Variants in ANXA10 observed in about 807,000 individuals in gnomAD.
The protein encoded by ANXA10 is annexin A10.
A neutral mutation model predicts 53.5 loss-of-function variants in ANXA10; 49 were observed. The ratio of observed to expected loss-of-function variants is 0.92; its 90% CI spans 0.73 to 1.16. The LOEUF is 1.16. Among genes scored for constraint, ANXA10 ranks in the 50% most tolerant of loss-of-function variants. The probability of loss-of-function intolerance (pLI) is 0.00; values close to 1 mark genes in which losing one functional copy is unlikely to be tolerated. For synonymous variants in ANXA10, 131 were observed against 128.9 expected (o/e 1.02, Z -0.11); for missense variants, 393 against 394.4 (o/e 1.00, Z 0.03).
chr4:168,136,569 G>A (rs1334162023), intron 2 of ANXA10, among the ~76,000 whole-genome samples: 5 of 152,054 alleles, frequency 3.3e-5, no homozygotes, highest in Admixed American at 6.5e-5. Context: ...AATATCCTTC[G>A]ACTCCATGTC....
In ANXA10 at chr4:168,139,505, G is replaced by T; in HGVS notation, c.120G>T (p.Leu40=). 6.2e-7 allele frequency: 1 copy of T among 1,612,604 alleles called. No individual in the cohort carries two copies. The highest frequency in any genetic ancestry group is 1.1e-5 in the South Asian group (1 of 90,998). ...TTCCAGACTGTGACAAAGACATGCT[G>T]ATCAACATTCTGACTCAGCGCTGCA... ...LQGFDCDKDM[L]INILTQRCNA... is the part of the protein sequence containing the mutation. Residue 40 remains leucine, a synonymous_variant, in exon 3 of 12, where the codon CTG becomes CTT. Transcript: ENST00000359299.
intron 3 of ANXA10, among the ~76,000 whole-genome samples, chr4:168,144,318 C>G (rs1004156234): frequency 6.6e-6 from 1 of 152,170 alleles, no homozygotes; most frequent in African/African-American, 2.4e-5. Context: ...TCCCAAGTAG[C>G]TGAGATTACA....
At chr4:168,109,425 A>C (rs1000120548) in intron 1 of ANXA10, among the ~76,000 whole-genome samples, 1 of 152,218 alleles carries the variant, frequency 6.6e-6, no homozygotes, top group African/African-American at 2.4e-5. Flanking sequence ...TTTTTAAATG[A>C]AGAAAATCGA....
Position 168,150,432 on chromosome 4 carries a change from G to A in ANXA10, c.195+10852G>A, listed in dbSNP as rs189118762. The stretch of plus-strand genomic sequence containing the variant: ...ATACTGTCAGCTGAAGAATAACAAG[G>A]TTCATAAATTTGGAAAAGAAAGCTT... On this transcript the variant is annotated intron_variant, in intron 3 of 11. Coordinates refer to ENST00000359299, the MANE Select transcript of ANXA10 (RefSeq NM_007193.5). 2.7e-3 allele frequency among the ~76,000 whole-genome samples: 416 copies of A among 152,272 alleles called. 4 individuals are homozygous for A. Among genetic ancestry groups the A allele is most frequent in the Non-Finnish European group, 2.5e-3 (173 of 68,026 alleles).
intron 1 of ANXA10, among the ~76,000 whole-genome samples, chr4:168,116,902 T>C (rs929483073): frequency 2.0e-5 from 3 of 152,114 alleles, no homozygotes; most frequent in Admixed American, 6.6e-5. Flanking sequence ...CACTAAGTGA[T>C]GAAACACTAT....
At chr4:168,172,398 CTT>C (rs1732008364) in intron 6 of ANXA10, among the ~76,000 whole-genome samples, 1 of 152,220 alleles carries the variant, frequency 6.6e-6, no homozygotes, top group Non-Finnish European at 1.5e-5. Context: ...CTCTCACAAA[CTT>C]TGCAAAGGCA....
At position 168,178,004 on chromosome 4, in the gene ANXA10, G is replaced by A. The variant is rs75463557; in HGVS notation, c.628+21G>A. The A allele has an allele frequency of 3.5e-5, 57 of 1,605,818 alleles. 1 individual carries two copies. The highest frequency in any genetic ancestry group is 2.0e-4 in the Middle Eastern group (1 of 4,946). On this transcript the variant is annotated intron_variant, in intron 8 of 11. Coordinates refer to ENST00000359299, the MANE Select transcript of ANXA10 (RefSeq NM_007193.5). ...GCTGGGTAATTATTAACTGGGTTTC[G>A]TTCCAGCTACTTGACCAATTATATA...
intron 1 of ANXA10, among the ~76,000 whole-genome samples, chr4:168,114,991 A>G (rs1730869353): frequency 6.6e-6 from 1 of 151,986 alleles, no homozygotes; most frequent in Admixed American, 6.6e-5. Context: ...GGGCTCAAAA[A>G]TCCTCCCATC....
intron 6 of ANXA10, among the ~76,000 whole-genome samples, chr4:168,175,357 A>G (rs73862577): frequency 0.011 from 1,703 of 152,340 alleles, 32 homozygotes; most frequent in African/African-American, 0.037. Context: ...GTTTCTTGGT[A>G]TTAATTAAAA....
intron 3 of ANXA10, among the ~76,000 whole-genome samples, chr4:168,152,673 G>T (rs542814045): frequency 3.6e-4 from 54 of 151,318 alleles, no homozygotes; most frequent in Non-Finnish European, 6.5e-4. Context: ...AGGGAAACTC[G>T]CTTGGAGGCT....
chr4:168,098,651 G>C (rs1730590980), intron 1 of ANXA10, among the ~76,000 whole-genome samples: 1 of 152,030 alleles, frequency 6.6e-6, no homozygotes, highest in Admixed American at 6.6e-5. Context: ...TGTTATCAAA[G>C]GCAGAGTAAA....
At chr4:168,106,363 T>A (rs191794316) in intron 1 of ANXA10, among the ~76,000 whole-genome samples, 4 of 152,224 alleles carry the variant, frequency 2.6e-5, no homozygotes, top group Admixed American at 2.6e-4. Flanking sequence ...TCTTAAAGTT[T>A]TAATTTTACA....
At chr4:168,143,512 G>A (rs1016934487) in intron 3 of ANXA10, among the ~76,000 whole-genome samples, 2 of 152,026 alleles carry the variant, frequency 1.3e-5, no homozygotes, top group African/African-American at 4.8e-5. Context: ...TTGGAATTCC[G>A]CTGATTGACA....
At chr4:168,121,832 TTTTG>T (rs1227965464) in intron 1 of ANXA10, among the ~76,000 whole-genome samples, 1 of 151,976 alleles carries the variant, frequency 6.6e-6, no homozygotes, top group Non-Finnish European at 1.5e-5. Flanking sequence ...TGTTGTTTGG[TTTTG>T]TTTTTTGTTT....
At position 168,181,748 on chromosome 4, in the gene ANXA10, A is replaced by C. The variant is rs1024363429; in HGVS notation, c.783+7A>C. ...ATTATATAGTGCAATTCATGTAAGT[A>C]AGACATATATTTTTAAAATTTCTCC... On this transcript the variant is annotated splice_region_variant and intron_variant, in intron 10 of 11. Coordinates refer to ENST00000359299, the MANE Select transcript of ANXA10 (RefSeq NM_007193.5). The C allele has an allele frequency of 1.9e-6, 3 of 1,554,590 alleles. No homozygotes were observed. Among genetic ancestry groups the C allele is most frequent in the Non-Finnish European group, 2.6e-6 (3 of 1,133,258 alleles).
At position 168,139,473 on chromosome 4, in the gene ANXA10, T is replaced by C. The variant is rs1480283209; in HGVS notation, c.101-13T>C. On this transcript the variant is annotated splice_polypyrimidine_tract_variant and intron_variant, in intron 2 of 11. Coordinates refer to ENST00000359299, the MANE Select transcript of ANXA10 (RefSeq NM_007193.5). ...AGCAACTTTACTAATCTTCAAATAT[T>C]ATTCTTTTCCAGACTGTGACAAAGA... The C allele has an allele frequency of 6.2e-7, 1 of 1,607,636 alleles. No individual in the cohort carries two copies. Among genetic ancestry groups the C allele is most frequent in the East Asian group, 2.2e-5 (1 of 44,704 alleles).
intron 1 of ANXA10, among the ~76,000 whole-genome samples, chr4:168,120,857 CATTA>C (rs750869526): frequency 2.6e-5 from 4 of 151,988 alleles, no homozygotes; most frequent in Non-Finnish European, 5.9e-5. Flanking sequence ...AACATCACTT[CATTA>C]ATTTTTTTTC....
At chr4:168,096,919 T>G (rs1221700314) in intron 1 of ANXA10, among the ~76,000 whole-genome samples, 1 of 142,684 alleles carries the variant, frequency 7.0e-6, no homozygotes, top group African/African-American at 2.6e-5. Flanking sequence ...TGCATATATA[T>G]ATATATATAT....
intron 3 of ANXA10, among the ~76,000 whole-genome samples, chr4:168,152,888 G>A (rs1020275218): frequency 1.3e-5 from 2 of 151,370 alleles, no homozygotes; most frequent in African/African-American, 4.9e-5. Context: ...TTAGTCACTA[G>A]GCTAGAGTGC....
Sources: gnomAD v4.1 joint callset for allele counts (sites outside exome capture counted in the v4.1 genomes callset) on GRCh38, gnomAD v4.1.1 for gene constraint, MANE v1.5 for transcripts, NCBI Gene and HGNC (gene_info 2026-07-23, HGNC 2026-07-21) for gene names.